The following TASP1 variants were observed in gnomAD, a reference collection of about 807,000 sequenced individuals.
TASP1 encodes taspase 1.
TASP1 carries 16 observed loss-of-function variants against 56.6 expected under a neutral mutation model. The ratio of observed to expected loss-of-function variants is 0.28; its 90% confidence interval spans 0.19 to 0.43. TASP1 has a LOEUF of 0.43. TASP1 is among the 20% of genes least tolerant of loss of function. The probability of loss-of-function intolerance (pLI) is 1.00; values close to 1 mark genes in which losing one functional copy is unlikely to be tolerated. For missense variants in TASP1, 393 were observed against 511.6 expected (o/e 0.77, Z 2.24); for synonymous variants, 179 against 184.2 (o/e 0.97, Z 0.23).
Position 13,442,293 on chromosome 20 carries a change from G to GAC in TASP1, c.986-7141_986-7140dup, listed in dbSNP as rs35295009. Among the ~76,000 whole-genome samples the GAC allele has an allele frequency of 3.5e-3, 519 of 147,844 alleles. 5 individuals are homozygous for GAC. Among genetic ancestry groups the GAC allele is most frequent in the Middle Eastern group, 0.01 (3 of 288 alleles). On this transcript the variant is annotated intron_variant, in intron 11 of 13. Coordinates refer to ENST00000337743, the MANE Select transcript of TASP1 (RefSeq NM_017714.3). ...ACACAGACACACAGACACAGACACAGACACACACACACACACACACACCAC... is the reference window on the plus strand; with the variant it reads ...ACACAGACACACAGACACAGACACAGACACACACACACACACACACACACCAC...
the TASP1 span, among the ~76,000 whole-genome samples, chr20:13,309,365 T>C: frequency 2.0e-5 from 3 of 151,628 alleles, no homozygotes; most frequent in East Asian, 1.9e-4. Context: ...TTTGACAAAA[T>C]TGAATATTAT....
At chr20:13,493,042 T>A (rs917442187) in intron 10 of TASP1, among the ~76,000 whole-genome samples, 10 of 152,052 alleles carry the variant, frequency 6.6e-5, no homozygotes, top group Admixed American at 6.6e-4. Context: ...AATCACACAC[T>A]CATACGAAAA....
intron 4 of TASP1, among the ~76,000 whole-genome samples, chr20:13,603,663 A>G (rs1308357740): frequency 6.6e-6 from 1 of 152,260 alleles, no homozygotes; most frequent in Non-Finnish European, 1.5e-5. Flanking sequence ...AAATCCATAC[A>G]TAACGCAGTA....
chr20:13,298,506 T>C, the TASP1 span, among the ~76,000 whole-genome samples: 1 of 152,204 alleles, frequency 6.6e-6, no homozygotes, highest in Non-Finnish European at 1.5e-5. Flanking sequence ...TAGGAAAATA[T>C]CCTCTTTTTT....
chr20:13,397,315 C>T (rs566836397), intron 13 of TASP1, among the ~76,000 whole-genome samples: 1 of 152,218 alleles, frequency 6.6e-6, no homozygotes, highest in Admixed American at 6.5e-5. Flanking sequence ...CAATAAGTCC[C>T]TATATTTGCA....
rs979405370 is a variant in TASP1 at position 13,417,312 on chromosome 20, T to G, written c.1170+136A>C. The G allele has an allele frequency of 6.5e-6, 5 of 766,506 alleles. No individual in the cohort carries two copies. In the African/African-American group the frequency reaches 8.8e-5, roughly 13 times the overall value. The allele number at this position is 766,506 out of a possible 1,614,324, so 47.5% of individuals were successfully genotyped here. On this transcript the variant is annotated intron_variant, in intron 13 of 13. Coordinates refer to ENST00000337743, the MANE Select transcript of TASP1 (RefSeq NM_017714.3). The stretch of plus-strand genomic sequence containing the variant: ...AGCTGTTAGCATTGTTAACTGTTCT[T>G]ATTCGGATGCTTATGAAGACCACAA...
chr20:13,264,969 A>G, the TASP1 span, among the ~76,000 whole-genome samples: 5 of 152,332 alleles, frequency 3.3e-5, no homozygotes, highest in East Asian at 9.6e-4. Flanking sequence ...GAGAAGTGGT[A>G]GCCTAGTGGA....
chr20:13,253,426 A>G, the TASP1 span, among the ~76,000 whole-genome samples: 1,934 of 152,288 alleles, frequency 0.013, 49 homozygotes, highest in African/African-American at 0.043. Context: ...CTTTTCCAAG[A>G]TAAAAGTGCA....
the TASP1 span, among the ~76,000 whole-genome samples, chr20:13,175,591 GA>G: frequency 5.3e-5 from 8 of 151,406 alleles, no homozygotes; most frequent in Non-Finnish European, 8.9e-5. Context: ...GGCTCTAGAT[GA>G]AAAAAAAATT....
chr20:13,370,451 A>G, the TASP1 span, among the ~76,000 whole-genome samples: 1 of 152,148 alleles, frequency 6.6e-6, no homozygotes, highest in African/African-American at 2.4e-5. Flanking sequence ...TAAAAAGCTT[A>G]TACCTTTCTA....
chr20:13,499,738 T>C (rs1453902365), intron 10 of TASP1, among the ~76,000 whole-genome samples: 3 of 146,820 alleles, frequency 2.0e-5, no homozygotes, highest in Non-Finnish European at 1.5e-5. Flanking sequence ...GAAATAATAA[T>C]GCTTGTTATT....
At chr20:13,480,506 T>C (rs2043100593) in intron 11 of TASP1, among the ~76,000 whole-genome samples, 1 of 152,218 alleles carries the variant, frequency 6.6e-6, no homozygotes, top group African/African-American at 2.4e-5. Context: ...TCTTGCTCCT[T>C]TCCACGAGTC....
chr20:13,538,005 T>G (rs1465349715), intron 8 of TASP1, among the ~76,000 whole-genome samples: 1 of 150,420 alleles, frequency 6.6e-6, no homozygotes, highest in Non-Finnish European at 1.5e-5. Flanking sequence ...TATCAGTCTT[T>G]TTTTTTTTTT....
chr20:13,186,114 T>C, the TASP1 span, among the ~76,000 whole-genome samples: 2 of 152,152 alleles, frequency 1.3e-5, no homozygotes, highest in African/African-American at 2.4e-5. Flanking sequence ...AGCATGATAG[T>C]GAGAAACTCC....
intron 10 of TASP1, among the ~76,000 whole-genome samples, chr20:13,511,107 T>A (rs569510020): frequency 6.6e-6 from 1 of 152,142 alleles, no homozygotes; most frequent in East Asian, 1.9e-4. Context: ...CATACGACAT[T>A]AGCCAATCAA....
intron 8 of TASP1, among the ~76,000 whole-genome samples, chr20:13,554,108 C>T (rs1415424507): frequency 6.6e-6 from 1 of 152,162 alleles, no homozygotes; most frequent in African/African-American, 2.4e-5. Flanking sequence ...GCAGATGTGA[C>T]ATCTAAAATT....
the TASP1 span, chr20:13,221,983 A>C: frequency 8.0e-7 from 1 of 1,256,020 alleles, no homozygotes; most frequent in Non-Finnish European, 1.0e-6. Context: ...GTGCTGAGCT[A>C]GTGCCGGGTG....
rs1399717331 is a variant in TASP1, at chr20:13,576,310, GAGAGAAAGAAAGAAA to G, written c.488+4572_488+4586del. 8.3e-5 allele frequency among the ~76,000 whole-genome samples: 12 copies of G among 144,528 alleles called. No individual in the cohort carries two copies. In the South Asian group the frequency reaches 1.1e-3, roughly 13 times the overall value. The allele number at this position is 144,528 out of a possible 152,430, so 94.8% of individuals were successfully genotyped here. On this transcript the variant is annotated intron_variant, in intron 6 of 13. Coordinates refer to ENST00000337743, the MANE Select transcript of TASP1 (RefSeq NM_017714.3). ...AAAGGAAGGGAAGGAGAGAGAGAGA[GAGAGAAAGAAAGAAA>G]AGAGAAAGAAAGAAAGGAAGAAAGA...
At chr20:13,467,999 A>G (rs1354505791) in intron 11 of TASP1, among the ~76,000 whole-genome samples, 1 of 152,068 alleles carries the variant, frequency 6.6e-6, no homozygotes, top group African/African-American at 2.4e-5. Flanking sequence ...CTGAGCAACA[A>G]AAGTAAAACT....
Sources: allele counts gnomAD v4.1 joint callset (sites outside exome capture counted in the v4.1 genomes callset), GRCh38; gene constraint gnomAD v4.1.1; transcripts MANE v1.5; gene names NCBI Gene and HGNC (gene_info 2026-07-23, HGNC 2026-07-21).